The following EFCAB13 variants were observed in gnomAD, a reference collection of about 807,000 sequenced individuals.
EFCAB13 encodes EF-hand calcium-binding domain-containing protein 13.
EFCAB13 carries 91 observed loss-of-function variants against 110.2 expected under a neutral mutation model. The observed-to-expected ratio is 0.83, with a 90% CI of 0.70 to 0.98. The LOEUF (loss-of-function observed/expected upper bound fraction) is 0.98, where lower values mean the gene tolerates loss of function less well. Among genes scored for constraint, EFCAB13 ranks in the 50% least tolerant of loss-of-function variants. EFCAB13 has a pLI of 0.00. For missense variants in EFCAB13, 968 were observed against 1,119.4 expected (o/e 0.86, Z 1.93); for synonymous variants, 323 against 369.9 (o/e 0.87, Z 1.45).
In EFCAB13 at chr17:47,374,791, A is replaced by G. The variant is rs749485589; in HGVS notation, c.1197A>G (p.Glu399=). The G allele has an allele frequency of 6.2e-7, 1 of 1,614,096 alleles. No individual in the cohort carries two copies. The highest frequency in any genetic ancestry group is 1.1e-5 in the South Asian group (1 of 91,074). The change falls in exon 12 of 25, where the codon GAA becomes GAG. Residue 399 remains glutamate (E), a synonymous_variant. Coordinates refer to ENST00000331493, the MANE Select transcript of EFCAB13 (RefSeq NM_152347.5). ...INFKKHSEKG[E]IHDSKSKPQS... ...TTAAAAAACATTCAGAGAAGGGTGA[A>G]ATTCATGACTCAAAGTCTAAACCAC...
chr17:47,399,866 CT>C (rs1245983766), intron 17 of EFCAB13, among the ~76,000 whole-genome samples: 9 of 152,128 alleles, frequency 5.9e-5, no homozygotes, highest in African/African-American at 2.2e-4. Context: ...AGTCATGTAG[CT>C]TATGAGCTCT....
At chr17:47,355,920 C>G (rs1237804590) in intron 9 of EFCAB13, among the ~76,000 whole-genome samples, 5 of 151,922 alleles carry the variant, frequency 3.3e-5, no homozygotes, top group Non-Finnish European at 7.4e-5. Flanking sequence ...GTTTTTGTTG[C>G]CTCGGGTTAA....
At chr17:47,331,921 AAAT>A in intron 4 of EFCAB13, among the ~76,000 whole-genome samples, 1 of 152,274 alleles carries the variant, frequency 6.6e-6, no homozygotes, top group South Asian at 2.1e-4. Flanking sequence ...TTTTAGCACT[AAAT>A]AATATCCCAT....
In EFCAB13 at chr17:47,397,489, G is replaced by A. The variant is rs1210907945; in HGVS notation, c.1945+1512G>A. Among the ~76,000 whole-genome samples the A allele has an allele frequency of 2.3e-3, 347 of 151,534 alleles. 2 individuals are homozygous for A. Among genetic ancestry groups the A allele is most frequent in the African/African-American group, 8.2e-3 (338 of 41,276 alleles). On this transcript the variant is annotated intron_variant, in intron 17 of 24. Coordinates refer to ENST00000331493, the MANE Select transcript of EFCAB13 (RefSeq NM_152347.5). ...TGGCCGCCCATCGTCTGGGACGTGA[G>A]GAGCCCCTCTGCCTGGCTGCTCAGT...
chr17:47,397,687 G>A (rs1342471876), intron 17 of EFCAB13, among the ~76,000 whole-genome samples: 2 of 150,812 alleles, frequency 1.3e-5, no homozygotes, highest in African/African-American at 4.9e-5. Flanking sequence ...TGTGAGGAGC[G>A]CCTCTACCCG....
chr17:47,372,164 T>C (rs927340444), intron 11 of EFCAB13, among the ~76,000 whole-genome samples: 1 of 152,182 alleles, frequency 6.6e-6, no homozygotes, highest in African/African-American at 2.4e-5. Flanking sequence ...AGATCCTTTG[T>C]TTCCTTATTT....
chr17:47,369,357 C>T (rs565840719), intron 10 of EFCAB13, among the ~76,000 whole-genome samples: 2 of 152,118 alleles, frequency 1.3e-5, no homozygotes, highest in East Asian at 1.9e-4. Flanking sequence ...TTTTCCAAGG[C>T]GAGGAAACCA....
At chr17:47,346,497 G>T (rs2065417483) in intron 8 of EFCAB13, among the ~76,000 whole-genome samples, 1 of 140,154 alleles carries the variant, frequency 7.1e-6, no homozygotes, top group African/African-American at 2.7e-5. Context: ...TTTTCCATAG[G>T]TTGGCTATTG....
At chr17:47,362,383 G>A (rs538532353) in intron 10 of EFCAB13, among the ~76,000 whole-genome samples, 1 of 152,266 alleles carries the variant, frequency 6.6e-6, no homozygotes, top group Non-Finnish European at 1.5e-5. Flanking sequence ...GGGCTCCTTG[G>A]TCTACCGGTA....
In EFCAB13 at chr17:47,385,954, G is replaced by C. The variant is rs568430384; in HGVS notation, c.1583-5483G>C. On this transcript the variant is annotated intron_variant, in intron 14 of 24. Coordinates refer to ENST00000331493, the MANE Select transcript of EFCAB13 (RefSeq NM_152347.5). ...CCTTATGTGCCTGGGTATTACTAGTGTAGGCTGCAGAACAGCAAAGATTGC... is the reference window on the plus strand; with the variant it reads ...CCTTATGTGCCTGGGTATTACTAGTCTAGGCTGCAGAACAGCAAAGATTGC... Among the ~76,000 whole-genome samples the C allele has an allele frequency of 2.0e-5, 3 of 152,296 alleles. No individual in the cohort carries two copies. The East Asian group carries it at 5.8e-4, about 29-fold the overall frequency.
At chr17:47,357,922 T>C (rs1336768217) in intron 9 of EFCAB13, among the ~76,000 whole-genome samples, 1 of 152,128 alleles carries the variant, frequency 6.6e-6, no homozygotes, top group East Asian at 1.9e-4. Flanking sequence ...TAGAATAGCT[T>C]ATTTACTTCC....
rs1472551082 is a variant in EFCAB13, at chr17:47,324,460, T to C, written c.-311T>C. The C allele has an allele frequency of 6.6e-6, 1 of 152,172 alleles. No homozygotes were observed. Among genetic ancestry groups the C allele is most frequent in the African/African-American group, 2.4e-5 (1 of 41,414 alleles). The allele number at this position is 152,172 out of a possible 1,614,324, so 9.4% of individuals were successfully genotyped here. A position where few individuals can be genotyped will look rare whatever the true frequency, so the allele number is the denominator to read the frequency against. Reference sequence around the variant, plus strand: ...GTCCTCTTTCTTCCTGTAGAAGTCGTTGGCTTCGTAAGAGCAGGGTCTATG... The same window carrying C: ...GTCCTCTTTCTTCCTGTAGAAGTCGCTGGCTTCGTAAGAGCAGGGTCTATG... On this transcript the variant is annotated 5_prime_UTR_variant, in exon 2 of 25. Coordinates refer to ENST00000331493, the MANE Select transcript of EFCAB13 (RefSeq NM_152347.5).
At chr17:47,403,078 C>T (rs2143447233) in intron 18 of EFCAB13, among the ~76,000 whole-genome samples, 1 of 152,194 alleles carries the variant, frequency 6.6e-6, no homozygotes, top group African/African-American at 2.4e-5. Flanking sequence ...CTCAGATTGC[C>T]ATCTGTAGTT....
At chr17:47,414,239 A>ATGTGTGTGTGTGTGCACGTGCGTG (rs34673520) in intron 22 of EFCAB13, among the ~76,000 whole-genome samples, 1 of 151,388 alleles carries the variant, frequency 6.6e-6, no homozygotes, top group Non-Finnish European at 1.5e-5. Context: ...GTGACTGTGT[A>ATGTGTGTGTGTGTGCACGTGCGTG]TGTGTGTGTG....
At chr17:47,426,119 A>G (rs1349109645) in intron 23 of EFCAB13, among the ~76,000 whole-genome samples, 1 of 152,220 alleles carries the variant, frequency 6.6e-6, no homozygotes, top group Non-Finnish European at 1.5e-5. Context: ...TGGTAGCCTC[A>G]GGCCAGAAAA....
rs560633051 is a variant in EFCAB13 at position 47,382,325 on chromosome 17, C to T, written c.1582+3072C>T. 6.6e-5 allele frequency among the ~76,000 whole-genome samples: 10 copies of T among 152,278 alleles called. No homozygotes were observed. In the South Asian group the frequency reaches 1.7e-3, roughly 25 times the overall value. On this transcript the variant is annotated intron_variant, in intron 14 of 24. Coordinates refer to ENST00000331493, the MANE Select transcript of EFCAB13 (RefSeq NM_152347.5). ...AAACAGAGGCAATTGGACTTCCTCT[C>T]TTCCTATGTGAATACGCTTTATTTC...
intron 17 of EFCAB13, among the ~76,000 whole-genome samples, chr17:47,397,027 T>TCCC (rs1333287969): frequency 0.024 from 1,891 of 79,330 alleles, 31 homozygotes; most frequent in East Asian, 0.18. Context: ...CCTCTCCCCC[T>TCCC]CCCCCTCCCC....
At chr17:47,381,143 A>G (rs2065645431) in intron 14 of EFCAB13, among the ~76,000 whole-genome samples, 1 of 151,436 alleles carries the variant, frequency 6.6e-6, no homozygotes, top group Non-Finnish European at 1.5e-5. Context: ...CAGCCTCCCA[A>G]AGTTAAATGT....
intron 17 of EFCAB13, 127 bp downstream of exon 17, chr17:47,396,104 T>C (rs182610504): frequency 1.0e-4 from 67 of 663,196 alleles, no homozygotes; most frequent in Non-Finnish European, 1.3e-4. Flanking sequence ...TGCCAACATA[T>C]GCATTTAGGA....
Sources: allele counts gnomAD v4.1 joint callset (sites outside exome capture counted in the v4.1 genomes callset), GRCh38; gene constraint gnomAD v4.1.1; transcripts MANE v1.5; gene names NCBI Gene and HGNC (gene_info 2026-07-23, HGNC 2026-07-21).